Variants in SYNE2 observed in about 807,000 individuals in gnomAD.
SYNE2 encodes the protein nesprin-2.
A neutral mutation model predicts 856.3 loss-of-function variants in SYNE2; 431 were observed. That is an observed-to-expected ratio of 0.50 (90% CI 0.47 to 0.55). The LOEUF is 0.55. SYNE2 is among the 20% of genes least tolerant of loss of function. The pLI is 0.00. For missense variants in SYNE2, 8,129 were observed against 8,023.2 expected (o/e 1.01, Z -0.50); for synonymous variants, 2,923 against 2,872.3 (o/e 1.02, Z -0.56).
chr14:64,213,259 A>G (rs922456037), intron 105 of SYNE2, among the ~76,000 whole-genome samples: 12 of 152,210 alleles, frequency 7.9e-5, no homozygotes, highest in African/African-American at 2.9e-4. Context: ...GCTTTTAAGT[A>G]TTCCTCAGGG....
chr14:64,053,657 A>T lies in SYNE2; in HGVS notation c.9744A>T (p.Thr3248=), dbSNP rs144073941. The T allele has an allele frequency of 1.9e-6, 3 of 1,612,390 alleles. No individual in the cohort carries two copies. In the East Asian group the frequency reaches 6.7e-5, roughly 36 times the overall value. ...MQLNTSIDLR[T]NVLNDAYENL... ...TTAACACAAGCATTGATTTGCGCAC[A>T]GTAAGTTTTAAAAATTATGCAGTTA... The change falls in exon 48 of 116, where the codon ACA becomes ACT. Residue 3248 remains threonine, a splice_region_variant and synonymous_variant. Coordinates refer to ENST00000555002, the MANE Select transcript of SYNE2 (RefSeq NM_182914.3).
At chr14:63,943,858 A>G (rs1032060708) in intron 6 of SYNE2, among the ~76,000 whole-genome samples, 2 of 151,682 alleles carry the variant, frequency 1.3e-5, no homozygotes, top group Non-Finnish European at 2.9e-5. Context: ...TTTAGTAGAG[A>G]CAGGGTTTTT....
At chr14:64,190,831 A>T in intron 99 of SYNE2, 1 of 687,138 alleles carries the variant, frequency 1.5e-6, no homozygotes, top group Non-Finnish European at 2.7e-6. Context: ...ATCTTATCAG[A>T]AATAGCGCTG....
intron 97 of SYNE2, among the ~76,000 whole-genome samples, chr14:64,187,473 CT>C (rs2098497862): frequency 6.6e-6 from 1 of 151,366 alleles, no homozygotes; most frequent in Non-Finnish European, 1.5e-5. Context: ...CTAATTGTTA[CT>C]ATTATGAAAT....
chr14:64,112,862 G>C (rs994710237), intron 65 of SYNE2, among the ~76,000 whole-genome samples: 5 of 152,214 alleles, frequency 3.3e-5, no homozygotes, highest in African/African-American at 1.2e-4. Context: ...AAGATGTCAA[G>C]TTAAAATTAT....
At chr14:64,116,168 C>CA (rs997708524) in intron 66 of SYNE2, among the ~76,000 whole-genome samples, 15 of 34,876 alleles carry the variant, frequency 4.3e-4, no homozygotes, top group African/African-American at 1.1e-3. Flanking sequence ...AAGACACTGT[C>CA]AAAAAAAAGA....
chr14:64,054,637 A>AT (rs1352528424), intron 48 of SYNE2, among the ~76,000 whole-genome samples: 6 of 152,148 alleles, frequency 3.9e-5, no homozygotes, highest in African/African-American at 1.4e-4. Flanking sequence ...ATCTGTTTTC[A>AT]TGCTATAGCA....
intron 50 of SYNE2, among the ~76,000 whole-genome samples, chr14:64,064,841 G>A (rs564039506): frequency 2.1e-5 from 3 of 141,550 alleles, no homozygotes; most frequent in Non-Finnish European, 4.5e-5. Flanking sequence ...ACTGTGCCCA[G>A]CCACTTATAG....
Position 64,098,765 on chromosome 14 carries a change from A to G in SYNE2, c.12325A>G (p.Met4109Val), listed in dbSNP as rs1296085055. 6.2e-7 allele frequency: 1 copy of G among 1,614,120 alleles called. No individual in the cohort carries two copies. The highest frequency in any genetic ancestry group is 2.2e-5 in the East Asian group (1 of 44,892). ...SERKLNRRGS[M>V]SYLAAVEEEV... ...CTTTCAGTTGAACAGAAGAGGCTCC[A>G]TGTCTTACCTGGCAGCAGTCGAGGA... Residue 4109 changes from methionine to valine, a missense_variant, in exon 63 of 116, where the codon ATG (methionine) becomes GTG (valine). Physicochemically the swap from Met to Val is conservative, Grantham distance 21. Around this residue, in one of 3 missense-constraint regions of SYNE2, gnomAD observed 5,410 missense variants for 5,284.8 expected, o/e 1.02. Transcript: ENST00000555002.
intron 1 of SYNE2, among the ~76,000 whole-genome samples, chr14:63,781,177 TGGAGGCAGGAGAATCGCTTGAACCCA>T (rs1299344074): frequency 6.7e-6 from 1 of 149,410 alleles, no homozygotes; most frequent in African/African-American, 2.5e-5. Flanking sequence ...ACTCAGGAGG[TGGAGGCAGGAGAATCGCTTGAACCCA>T]GGAGGCAGAG....
At chr14:63,931,936 T>C (rs1181202197) in intron 2 of SYNE2, among the ~76,000 whole-genome samples, 1 of 152,228 alleles carries the variant, frequency 6.6e-6, no homozygotes, top group Non-Finnish European at 1.5e-5. Flanking sequence ...AGATTAGCTT[T>C]TAATTTCTAT....
intron 1 of SYNE2, among the ~76,000 whole-genome samples, chr14:63,775,243 G>A (rs1311365172): frequency 6.6e-6 from 1 of 151,966 alleles, no homozygotes; most frequent in Non-Finnish European, 1.5e-5. Flanking sequence ...CCAAAGTGCT[G>A]GGTTTACAGA....
At chr14:64,221,843 G>A in intron 112 of SYNE2, 139 bp downstream of exon 112, 1 of 1,040,060 alleles carries the variant, frequency 9.6e-7, no homozygotes, top group Admixed American at 1.9e-5. Flanking sequence ...TTCAGCCCTA[G>A]TGTTCCTCCA....
intron 75 of SYNE2, 61 bp downstream of exon 75, chr14:64,129,962 T>C (rs2097997084): frequency 1.9e-6 from 3 of 1,613,840 alleles, no homozygotes; most frequent in Non-Finnish European, 2.5e-6. Context: ...GATCCTTTTC[T>C]TCCACCAGCA....
At chr14:63,853,269 G>C (rs1173363115) in intron 1 of SYNE2, 126 bp downstream of exon 1, 1 of 152,166 alleles carries the variant, frequency 6.6e-6, no homozygotes, top group Admixed American at 6.6e-5. Context: ...GCGGGAGACG[G>C]GAACCGACCC....
chr14:64,122,389 A>G lies in SYNE2; in HGVS notation c.13384A>G (p.Lys4462Glu). The G allele has an allele frequency of 5.0e-6, 8 of 1,614,242 alleles. No homozygotes were observed. Among genetic ancestry groups the G allele is most frequent in the Non-Finnish European group, 6.8e-6 (8 of 1,180,038 alleles). The change falls in exon 70 of 116, where the codon AAA becomes GAA. Residue 4462 changes from lysine to glutamate, a missense_variant. Coordinates refer to ENST00000555002, the MANE Select transcript of SYNE2 (RefSeq NM_182914.3). ...ATATCTGCATCATGAACTCTCATCA[A>G]AAATAAAGCTCCCACTCCCTCAGCT... Reference protein sequence around the residue: ...WQYLHHELSSKIKLPLPQLVE... With the variant: ...WQYLHHELSSEIKLPLPQLVE...
chr14:63,767,938 AATCCCAGC>A (rs1886747685), intron 1 of SYNE2, among the ~76,000 whole-genome samples: 1 of 152,180 alleles, frequency 6.6e-6, no homozygotes, highest in Admixed American at 6.6e-5. Context: ...TCACGCCTGT[AATCCCAGC>A]ACTTTGGGAA....
chr14:64,106,343 G>A (rs777779949), intron 64 of SYNE2, among the ~76,000 whole-genome samples: 6 of 151,986 alleles, frequency 3.9e-5, no homozygotes, highest in Non-Finnish European at 7.4e-5. Context: ...ATTATTTATA[G>A]AGTAATTAAT....
At chr14:64,173,724 G>A (rs1253093686) in intron 94 of SYNE2, among the ~76,000 whole-genome samples, 2 of 151,962 alleles carry the variant, frequency 1.3e-5, no homozygotes, top group East Asian at 1.9e-4. Flanking sequence ...TCGGCCACCC[G>A]AGTAGCTGGG....
Sources: allele counts gnomAD v4.1 joint callset (sites outside exome capture counted in the v4.1 genomes callset), GRCh38; gene constraint gnomAD v4.1.1; regional missense constraint gnomAD v4.1.1; transcripts MANE v1.5; gene names NCBI Gene and HGNC (gene_info 2026-07-23, HGNC 2026-07-21).